Variants in NAV3 observed in about 807,000 individuals in gnomAD.
NAV3 encodes neuron navigator 3.
In NAV3, 87 loss-of-function variants were observed where a neutral mutation model predicts 244.7. The ratio of observed to expected loss-of-function variants is 0.36; its 90% CI spans 0.30 to 0.42. The LOEUF (loss-of-function observed/expected upper bound fraction) is 0.42, where lower values mean the gene tolerates loss of function less well. NAV3 is among the 20% of genes least tolerant of loss of function. The pLI is 1.00. For synonymous variants in NAV3, 1,126 were observed against 1,042.2 expected, an observed-to-expected ratio of 1.08 and a Z score of -1.55; for missense variants, 2,663 against 2,893.3, an observed-to-expected ratio of 0.92 and a Z score of 1.83.
At chr12:77,677,709 C>A (rs547430362) in intron 2 of NAV3, among the ~76,000 whole-genome samples, 5 of 152,186 alleles carry the variant, frequency 3.3e-5, no homozygotes, top group Non-Finnish European at 2.9e-5. Context: ...AATTAGCAAG[C>A]GTGCAGTGAA....
At chr12:78,140,395 G>C (rs939965445) in intron 20 of NAV3, 61 bp downstream of exon 20, 2 of 1,354,336 alleles carry the variant, frequency 1.5e-6, no homozygotes, top group Non-Finnish European at 2.1e-6. Context: ...TGATGAAATA[G>C]ATCATTTTAC....
chr12:77,665,765 C>A (rs1296826468), intron 2 of NAV3, among the ~76,000 whole-genome samples: 1 of 152,296 alleles, frequency 6.6e-6, no homozygotes, highest in East Asian at 1.9e-4. Flanking sequence ...TCAGTAATTA[C>A]TCAAAGAGGG....
chr12:77,575,484 T>G (rs1412790870), intron 2 of NAV3, among the ~76,000 whole-genome samples: 1 of 152,100 alleles, frequency 6.6e-6, no homozygotes, highest in Non-Finnish European at 1.5e-5. Context: ...TCAAACCACC[T>G]GAATGCCCAT....
chr12:78,168,752 C>T lies in NAV3; in HGVS notation c.4870-3C>T. ...AAGCTTCCAAACTCTGTTTATTCCA[C>T]AGGAATCTGAACTTATAGAACTAAG... On this transcript the variant is annotated splice_polypyrimidine_tract_variant and splice_region_variant and intron_variant, in intron 23 of 39. Coordinates refer to ENST00000397909, the MANE Select transcript of NAV3 (RefSeq NM_001024383.2). The T allele has an allele frequency of 6.3e-7, 1 of 1,591,590 alleles. No individual in the cohort carries two copies. Among genetic ancestry groups the T allele is most frequent in the Non-Finnish European group, 8.6e-7 (1 of 1,165,230 alleles).
chr12:77,883,695 T>G (rs961164031), intron 1 of NAV3, among the ~76,000 whole-genome samples: 2 of 152,192 alleles, frequency 1.3e-5, no homozygotes, highest in Non-Finnish European at 2.9e-5. Flanking sequence ...GGTGAGAACA[T>G]GCATACTAAC....
At chr12:77,738,724 G>A (rs1174014855) in intron 2 of NAV3, among the ~76,000 whole-genome samples, 1 of 152,132 alleles carries the variant, frequency 6.6e-6, no homozygotes, top group Middle Eastern at 3.2e-3. Flanking sequence ...AAGACTACAG[G>A]TTCTGGGCTG....
chr12:77,972,491 T>A (rs1315276112), intron 5 of NAV3, among the ~76,000 whole-genome samples: 1 of 152,154 alleles, frequency 6.6e-6, no homozygotes, highest in Non-Finnish European at 1.5e-5. Context: ...AGATTCAATA[T>A]CTTGCTATAT....
intron 2 of NAV3, among the ~76,000 whole-genome samples, chr12:77,592,936 C>A (rs1459899432): frequency 1.3e-5 from 2 of 152,154 alleles, no homozygotes; most frequent in Non-Finnish European, 2.9e-5. Flanking sequence ...CTACAAATAT[C>A]TTTTCTCAGT....
intron 2 of NAV3, among the ~76,000 whole-genome samples, chr12:77,820,626 G>A (rs984895604): frequency 6.6e-6 from 1 of 152,072 alleles, no homozygotes; most frequent in African/African-American, 2.4e-5. Context: ...TCCAGTTAAT[G>A]GTCTCATTTT....
chr12:78,065,060 A>C (rs1884846048), intron 12 of NAV3, among the ~76,000 whole-genome samples: 1 of 152,102 alleles, frequency 6.6e-6, no homozygotes, highest in South Asian at 2.1e-4. Flanking sequence ...AAATTCACAG[A>C]CATGGTTATA....
At chr12:77,687,411 C>T (rs1440176018) in intron 2 of NAV3, among the ~76,000 whole-genome samples, 1 of 151,980 alleles carries the variant, frequency 6.6e-6, no homozygotes, top group Non-Finnish European at 1.5e-5. Flanking sequence ...ATCAGTGAGT[C>T]CTTAAGTATA....
intron 3 of NAV3, among the ~76,000 whole-genome samples, chr12:77,949,163 G>A (rs2370037): frequency 1.3e-5 from 2 of 151,844 alleles, no homozygotes; most frequent in African/African-American, 4.8e-5. Flanking sequence ...AGAAATACTG[G>A]GAAATCATTA....
At chr12:78,097,825 T>G (rs1476069943) in intron 12 of NAV3, among the ~76,000 whole-genome samples, 1 of 152,148 alleles carries the variant, frequency 6.6e-6, no homozygotes, top group African/African-American at 2.4e-5. Context: ...CTTTTTTATT[T>G]TTACATAACG....
chr12:77,805,468 T>C (rs1021041713), intron 2 of NAV3, among the ~76,000 whole-genome samples: 3 of 152,228 alleles, frequency 2.0e-5, no homozygotes, highest in African/African-American at 7.2e-5. Flanking sequence ...ATGGATTACA[T>C]TTATTGATTT....
chr12:78,180,383 A>G (rs1459163722), intron 29 of NAV3, among the ~76,000 whole-genome samples: 4 of 152,072 alleles, frequency 2.6e-5, no homozygotes, highest in Non-Finnish European at 4.4e-5. Flanking sequence ...ATTGGAAGGA[A>G]AAAAAGAAAC....
chr12:77,826,686 A>G (rs1035815888), upstream of NAV3, among the ~76,000 whole-genome samples: 8 of 152,214 alleles, frequency 5.3e-5, no homozygotes, highest in Non-Finnish European at 5.9e-5. Context: ...ACAGCCAAAA[A>G]CGAAAATACT....
At chr12:77,760,692 G>A (rs182934497) in intron 2 of NAV3, among the ~76,000 whole-genome samples, 2 of 152,240 alleles carry the variant, frequency 1.3e-5, no homozygotes, top group Admixed American at 6.5e-5. Flanking sequence ...TCAGTGTTGA[G>A]TTACAGGGTA....
chr12:77,820,594 G>T (rs570067998), intron 2 of NAV3, among the ~76,000 whole-genome samples: 1 of 152,268 alleles, frequency 6.6e-6, no homozygotes, highest in South Asian at 2.1e-4. Flanking sequence ...CCATTGCAAT[G>T]TCTGACAGAG....
chr12:77,644,366 G>A (rs1287805785), intron 2 of NAV3, among the ~76,000 whole-genome samples: 1 of 152,014 alleles, frequency 6.6e-6, no homozygotes, highest in Non-Finnish European at 1.5e-5. Context: ...GCCTGTTTGA[G>A]ATTTTGTCTT....
Sources: allele counts gnomAD v4.1 joint callset (sites outside exome capture counted in the v4.1 genomes callset), GRCh38; gene constraint gnomAD v4.1.1; transcripts MANE v1.5; gene names NCBI Gene and HGNC (gene_info 2026-07-23, HGNC 2026-07-21).